The following NFIC variants were observed in gnomAD, a reference collection of about 807,000 sequenced individuals.
NFIC encodes nuclear factor I C.
Under a neutral mutation model 54.4 loss-of-function variants are expected in NFIC, and 12 were observed. The ratio of observed to expected loss-of-function variants is 0.22; its 90% CI spans 0.14 to 0.36. The LOEUF is 0.36. Among genes scored for constraint, NFIC ranks in the 10% least tolerant of loss-of-function variants. The pLI, the probability that NFIC is intolerant of heterozygous loss-of-function variation, is 1.00. For synonymous variants in NFIC, 322 were observed against 319.2 expected, an observed-to-expected ratio of 1.01 and a Z score of -0.09; for missense variants, 575 against 718.2, an observed-to-expected ratio of 0.80 and a Z score of 2.28.
At chr19:3,433,488 C>A in intron 3 of NFIC, 30 bp from the exon 4 acceptor site, 1 of 1,611,526 alleles carries the variant, frequency 6.2e-7, no homozygotes, top group Non-Finnish European at 8.5e-7. Flanking sequence ...CCCAGCTCAG[C>A]CTACTGACCC....
At chr19:3,365,063 G>C (rs138445300), upstream of NFIC, among the ~76,000 whole-genome samples, 1 of 152,252 alleles carries the variant, frequency 6.6e-6, no homozygotes, top group African/African-American at 2.4e-5. Context: ...GGAGCCTGTG[G>C]GGGGCCTAGG....
chr19:3,462,364 A>G (rs976362685), intron 10 of NFIC, among the ~76,000 whole-genome samples: 1 of 152,168 alleles, frequency 6.6e-6, no homozygotes, highest in Non-Finnish European at 1.5e-5. Context: ...CCTGGGCAAC[A>G]AGAGCGAAAC....
At chr19:3,425,998 G>A (rs1425468194) in intron 3 of NFIC, among the ~76,000 whole-genome samples, 2 of 126,426 alleles carry the variant, frequency 1.6e-5, no homozygotes, top group Non-Finnish European at 3.1e-5. Flanking sequence ...GCAGTGGCGC[G>A]ATCTCGGCTC....
At chr19:3,363,241 G>GTGTGCGTGTGTGTGTGTA (rs1165983533), upstream of NFIC, among the ~76,000 whole-genome samples, 13 of 77,054 alleles carry the variant, frequency 1.7e-4, no homozygotes, top group Non-Finnish European at 2.7e-4. Flanking sequence ...GTATGTGTGT[G>GTGTGCGTGTGTGTGTGTA]TATATATATA....
At position 3,466,494 on chromosome 19, in the gene NFIC, T is replaced by TC. The variant is rs2082718571; in HGVS notation, c.*3726dup. 6.6e-6 allele frequency: 1 copy of TC among 152,088 alleles called. No individual in the cohort carries two copies. Among genetic ancestry groups the TC allele is most frequent in the Admixed American group, 6.6e-5 (1 of 15,256 alleles). 9.4% of individuals were successfully genotyped at this position (152,088 alleles called of 1,614,324 possible). A position where few individuals can be genotyped will look rare whatever the true frequency, so the allele number is the denominator to read the frequency against. ...GGTCTCCACAGCCACCATCATACACTCATCCCGTGTTTTCTTCCAAAAAGT... is the reference window on the plus strand; with the variant it reads ...GGTCTCCACAGCCACCATCATACACTCCATCCCGTGTTTTCTTCCAAAAAGT... On this transcript the variant is annotated 3_prime_UTR_variant, in exon 11 of 11. Coordinates refer to ENST00000443272, the MANE Select transcript of NFIC (RefSeq NM_001245002.2). This position sits in a 1 kb window ranked among gnomAD's most constrained non-coding sequence, Gnocchi z 4.8.
rs536028453 is a variant in NFIC at position 3,382,640 on chromosome 19, C to T, written c.562+397C>T. ...GAGGGTCTGAGGGAGGAGGCTGGTG[C>T]GTGTAGATGTGATGTGGTGGTCCAA... On this transcript the variant is annotated intron_variant, in intron 2 of 10. Coordinates refer to ENST00000443272, the MANE Select transcript of NFIC (RefSeq NM_001245002.2). Among the ~76,000 whole-genome samples the T allele has an allele frequency of 1.4e-3, 201 of 144,016 alleles. 2 individuals are homozygous for T. The highest frequency in any genetic ancestry group is 1.5e-3 in the Non-Finnish European group (100 of 66,030). The allele number at this position is 144,016 out of a possible 152,430, so 94.5% of individuals were successfully genotyped here.
At chr19:3,384,655 C>T (rs561513193) in intron 2 of NFIC, among the ~76,000 whole-genome samples, 150 of 152,312 alleles carry the variant, frequency 9.8e-4, no homozygotes, top group Non-Finnish European at 1.6e-3. Flanking sequence ...TCCCCAAGTG[C>T]GGGGATTACA....
At chr19:3,440,632 T>C (rs1045023709) in intron 6 of NFIC, among the ~76,000 whole-genome samples, 1 of 151,962 alleles carries the variant, frequency 6.6e-6, no homozygotes, top group Non-Finnish European at 1.5e-5. Context: ...GTTTTCACCA[T>C]GTTGGCCAGT....
At chr19:3,377,768 C>T (rs1303713619) in intron 1 of NFIC, among the ~76,000 whole-genome samples, 1 of 151,858 alleles carries the variant, frequency 6.6e-6, no homozygotes, top group Non-Finnish European at 1.5e-5. Context: ...TGCGCCACAG[C>T]AACTATGCCC....
At position 3,371,900 on chromosome 19, in the gene NFIC, C is replaced by T. The variant is rs868001836; in HGVS notation, c.30+5234C>T. 1.0e-3 allele frequency among the ~76,000 whole-genome samples: 120 copies of T among 117,284 alleles called. 1 individual carries two copies. Among genetic ancestry groups the T allele is most frequent in the African/African-American group, 1.7e-3 (53 of 31,338 alleles). The allele number at this position is 117,284 out of a possible 152,430, so 76.9% of individuals were successfully genotyped here. A position where few individuals can be genotyped will look rare whatever the true frequency, so the allele number is the denominator to read the frequency against. The stretch of plus-strand genomic sequence containing the variant: ...TTCTCTCTCCTTCCTTCCTTCCTTC[C>T]TTCCTTCCTTCCTTCCTTCCTTCCT... On this transcript the variant is annotated intron_variant, in intron 1 of 10. Transcript: ENST00000443272.
Position 3,464,120 on chromosome 19 carries a change from C to G in NFIC, c.*1351C>G, listed in dbSNP as rs1310386992. On this transcript the variant is annotated 3_prime_UTR_variant, in exon 11 of 11. Coordinates refer to ENST00000443272, the MANE Select transcript of NFIC (RefSeq NM_001245002.2). The stretch of plus-strand genomic sequence containing the variant: ...CAGTGCCTTACATTCTGGAGCGACC[C>G]CCCTCCCTGGTGCCTCCCAGCGAAG... 2 of 985,258 alleles carry G rather than the reference C, an allele frequency of 2.0e-6. No individual in the cohort carries two copies. The highest frequency in any genetic ancestry group is 1.7e-5 in the African/African-American group (1 of 57,212). 61.0% of individuals were successfully genotyped at this position (985,258 alleles called of 1,614,324 possible). A position where few individuals can be genotyped will look rare whatever the true frequency, so the allele number is the denominator to read the frequency against.
At position 3,382,062 on chromosome 19, in the gene NFIC, G is replaced by A. The variant is rs2081219122; in HGVS notation, c.381G>A (p.Val127=). 6.2e-7 allele frequency: 1 copy of A among 1,613,248 alleles called. No individual in the cohort carries two copies. Among genetic ancestry groups the A allele is most frequent in the Non-Finnish European group, 8.5e-7 (1 of 1,179,940 alleles). The part of the protein sequence containing the change: ...RIDCLRQADK[V]WRLDLVMVIL... ...ACTGTCTCCGGCAGGCGGACAAGGT[G>A]TGGCGGCTGGACCTGGTCATGGTCA... The change falls in exon 2 of 11, where the codon GTG becomes GTA. Residue 127 remains valine (V), a synonymous_variant. Transcript: ENST00000443272.
chr19:3,392,836 G>T (rs957824458), intron 2 of NFIC, among the ~76,000 whole-genome samples: 2 of 152,242 alleles, frequency 1.3e-5, no homozygotes, highest in Non-Finnish European at 2.9e-5. Flanking sequence ...GACACCGGAT[G>T]TCTCGTCCAG....
chr19:3,456,559 C>T lies in NFIC; in HGVS notation c.1433C>T (p.Pro478Leu), dbSNP rs372572344. Reference sequence around the variant, plus strand: ...TCTCTCCTCCCTGCAGCCTACTCTCCGCCCGACACGTCCCCTGCAAACCGT... The same window carrying T: ...TCTCTCCTCCCTGCAGCCTACTCTCTGCCCGACACGTCCCCTGCAAACCGT... ...ATSPTSPSYS[P>L]PDTSPANRSF... Residue 478 changes from proline (P) to leucine (L), a missense_variant, in exon 10 of 11, where the codon CCG becomes CTG. Physicochemically the swap from Pro to Leu is moderately conservative, Grantham distance 98. Coordinates refer to ENST00000443272, the MANE Select transcript of NFIC (RefSeq NM_001245002.2). 21 of 1,552,520 alleles carry T rather than the reference C, an allele frequency of 1.4e-5. No homozygotes were observed. Among genetic ancestry groups the T allele is most frequent in the African/African-American group, 4.1e-5 (3 of 73,192 alleles).
intron 2 of NFIC, among the ~76,000 whole-genome samples, chr19:3,404,016 C>CA (rs1046231921): frequency 3.3e-5 from 5 of 151,998 alleles, no homozygotes; most frequent in Admixed American, 3.3e-4. Context: ...TCCACCCCCC[C>CA]AGCCCCTGGC....
rs1239519303 is a variant in NFIC at position 3,449,873 on chromosome 19, G to A, written c.1084+734G>A. 4.0e-5 allele frequency among the ~76,000 whole-genome samples: 6 copies of A among 151,866 alleles called. No individual in the cohort carries two copies. In the South Asian group the frequency reaches 1.2e-3, roughly 32 times the overall value. On this transcript the variant is annotated intron_variant, in intron 7 of 10. Coordinates refer to ENST00000443272, the MANE Select transcript of NFIC (RefSeq NM_001245002.2). ...AGTTCAAGACCAGCCTGGCCAACAT[G>A]GTGAAACCCCTTGTCTACTAAAAAT...
chr19:3,389,366 G>A (rs2081345148), intron 2 of NFIC, among the ~76,000 whole-genome samples: 2 of 152,296 alleles, frequency 1.3e-5, no homozygotes, highest in South Asian at 4.1e-4. Flanking sequence ...GTGGAGGGTG[G>A]GAAGGGGCGG....
intron 6 of NFIC, among the ~76,000 whole-genome samples, chr19:3,441,890 C>A (rs569273763): frequency 6.6e-6 from 1 of 152,226 alleles, no homozygotes; most frequent in East Asian, 1.9e-4. Context: ...CATCCTCCCC[C>A]CACCCTTCCC....
At chr19:3,394,998 C>G (rs1157782132) in intron 2 of NFIC, among the ~76,000 whole-genome samples, 1 of 152,078 alleles carries the variant, frequency 6.6e-6, no homozygotes. Context: ...AAGCAGATCT[C>G]CAGTCTCCCA....
Sources: allele counts gnomAD v4.1 joint callset (sites outside exome capture counted in the v4.1 genomes callset), GRCh38; gene constraint gnomAD v4.1.1; non-coding constraint Gnocchi (gnomAD v3.1); transcripts MANE v1.5; gene names NCBI Gene and HGNC (gene_info 2026-07-23, HGNC 2026-07-21).